Variants in DEPDC1 observed in about 807,000 individuals in gnomAD.
The protein encoded by DEPDC1 is DEP domain-containing protein 1A.
In DEPDC1, 66 loss-of-function variants were observed where a neutral mutation model predicts 86.8. That is an observed-to-expected ratio of 0.76 (90% CI 0.62 to 0.93). The LOEUF (loss-of-function observed/expected upper bound fraction) is 0.93. Among genes scored for constraint, DEPDC1 ranks in the 40% least tolerant of loss-of-function variants. The pLI is 0.00. For missense variants in DEPDC1, 792 were observed against 935.7 expected (o/e 0.85, Z 2.00); for synonymous variants, 255 against 314.9 (o/e 0.81, Z 2.02).
intron 9 of DEPDC1, among the ~76,000 whole-genome samples, chr1:68,480,975 A>T (rs141258949): frequency 1.3e-5 from 2 of 152,126 alleles, no homozygotes; most frequent in Middle Eastern, 3.4e-3. Context: ...CTGTTTGGCA[A>T]TAGTGCTTCC....
intron 2 of DEPDC1, among the ~76,000 whole-genome samples, 161 bp from the exon 3 acceptor site, chr1:68,489,769 AT>A (rs1337445402): frequency 2.6e-5 from 4 of 151,618 alleles, no homozygotes; most frequent in Non-Finnish European, 4.4e-5. Context: ...TTTAAAAAAA[AT>A]AGGTTCCTTT....
intron 11 of DEPDC1, 30 bp from the exon 12 acceptor site, chr1:68,477,099 A>G (rs761883461): frequency 6.5e-7 from 1 of 1,545,416 alleles, no homozygotes; most frequent in Non-Finnish European, 8.8e-7. Context: ...ATTAGAAGGT[A>G]TTTAACATTA....
At chr1:68,487,022 AT>A (rs779780012) in intron 5 of DEPDC1, 38 bp from the exon 6 acceptor site, 1 of 1,564,262 alleles carries the variant, frequency 6.4e-7, no homozygotes, top group Admixed American at 1.9e-5. Flanking sequence ...TAAACCATAC[AT>A]TTTTTATGAT....
intron 5 of DEPDC1, 107 bp from the exon 6 acceptor site, chr1:68,487,091 C>T: frequency 2.2e-6 from 2 of 897,282 alleles, no homozygotes; most frequent in Non-Finnish European, 3.2e-6. Context: ...TACACATACA[C>T]ATACATGTTA....
chr1:68,492,648 T>G (rs1646237543), intron 2 of DEPDC1, among the ~76,000 whole-genome samples: 6 of 151,980 alleles, frequency 3.9e-5, no homozygotes, highest in Non-Finnish European at 8.8e-5. Flanking sequence ...CAGAAAAGAC[T>G]AGGGGCAGAG....
chr1:68,478,570 A>G (rs1254292733), intron 10 of DEPDC1, among the ~76,000 whole-genome samples: 2 of 151,918 alleles, frequency 1.3e-5, no homozygotes, highest in South Asian at 2.1e-4. Flanking sequence ...TATGTATGGG[A>G]AAAACATAAA....
At chr1:68,493,193 T>C (rs1646240845) in intron 2 of DEPDC1, among the ~76,000 whole-genome samples, 1 of 152,228 alleles carries the variant, frequency 6.6e-6, no homozygotes, top group Non-Finnish European at 1.5e-5. Flanking sequence ...TGTAGAGTGC[T>C]ATACAAAATG....
intron 8 of DEPDC1, 34 bp from the exon 9 acceptor site, chr1:68,481,646 A>C: frequency 6.6e-7 from 1 of 1,524,898 alleles, no homozygotes; most frequent in South Asian, 1.2e-5. Flanking sequence ...AAAAATCATC[A>C]ATGACACTAG....
At position 68,482,677 on chromosome 1, in the gene DEPDC1, A is replaced by G; in HGVS notation, c.1131T>C (p.Ala377=). 6 of 1,612,472 alleles carry G rather than the reference A, an allele frequency of 3.7e-6. No homozygotes were observed. The South Asian group carries it at 4.4e-5, about 12-fold the overall frequency. Residue 377 remains alanine (A), a synonymous_variant, in exon 8 of 12, where the codon GCT becomes GCC. Transcript: ENST00000456315. ...ISNPGFQERC[A]KKMQLVNLRN... ...TTAAATTAACTAGCTGCATTTTCTT[A>G]GCACATCTTTCTTGAAATCCTGGAT...
In DEPDC1 at chr1:68,482,037, C is replaced by G. The variant is rs1646159663; in HGVS notation, c.1762+9G>C. The G allele has an allele frequency of 6.4e-7, 1 of 1,558,164 alleles. No homozygotes were observed. ...TTAATATTGCATGCATTGAAAGCAA[C>G]AGCCTTACTTTGTGTGCCAGTCAAC... On this transcript the variant is annotated intron_variant, in intron 8 of 11. Coordinates refer to ENST00000456315, the MANE Select transcript of DEPDC1 (RefSeq NM_001114120.3).
chr1:68,495,449 T>G (rs1217860495), intron 1 of DEPDC1, among the ~76,000 whole-genome samples: 2 of 152,164 alleles, frequency 1.3e-5, no homozygotes, highest in Non-Finnish European at 1.5e-5. Context: ...ATTTTTCACA[T>G]AAGGAAAATA....
chr1:68,482,831 T>G lies in DEPDC1; in HGVS notation c.977A>C (p.Gln326Pro). The G allele has an allele frequency of 1.2e-6, 2 of 1,609,952 alleles. No homozygotes were observed. The highest frequency in any genetic ancestry group is 1.7e-6 in the Non-Finnish European group (2 of 1,178,326). Residue 326 changes from glutamine (Q) to proline (P), a missense_variant, in exon 8 of 12, where the codon CAG becomes CCG. Gln to Pro is a moderately conservative substitution (Grantham distance 76). Coordinates refer to ENST00000456315, the MANE Select transcript of DEPDC1 (RefSeq NM_001114120.3). ...SGIHKIQDDP[Q>P]SSKFLHLNNL... ...GTTTAAGTGAAGGAATTTTGAAGAC[T>G]GTGGATCATCTTGAATTTTATGTAT...
intron 2 of DEPDC1, among the ~76,000 whole-genome samples, chr1:68,492,075 C>A (rs1231698461): frequency 6.6e-6 from 1 of 151,912 alleles, no homozygotes; most frequent in East Asian, 1.9e-4. Context: ...CAAATTTATT[C>A]AAAAAGTTTG....
At chr1:68,480,845 T>C (rs555986034) in intron 9 of DEPDC1, among the ~76,000 whole-genome samples, 1 of 152,026 alleles carries the variant, frequency 6.6e-6, no homozygotes, top group South Asian at 2.1e-4. Flanking sequence ...AAGTTGCATT[T>C]TGAGGAAGTG....
At chr1:68,485,571 A>T (rs931498853) in intron 6 of DEPDC1, among the ~76,000 whole-genome samples, 6 of 152,136 alleles carry the variant, frequency 3.9e-5, no homozygotes, top group African/African-American at 1.2e-4. Flanking sequence ...TTTAGGTATT[A>T]CATAGACTGA....
At position 68,481,493 on chromosome 1, in the gene DEPDC1, T is replaced by A; in HGVS notation, c.1882A>T (p.Ser628Cys). The A allele has an allele frequency of 6.2e-7, 1 of 1,612,560 alleles. No homozygotes were observed. The highest frequency in any genetic ancestry group is 8.5e-7 in the Non-Finnish European group (1 of 1,179,096). Reference sequence around the variant, plus strand: ...AGTTTGGGCATATCAACATTTTGACTCATTCGGGAAATCATACGCATTAAA... The same window carrying A: ...AGTTTGGGCATATCAACATTTTGACACATTCGGGAAATCATACGCATTAAA... ...QLLMRMISRM[S>C]QNVDMPKLHD... The change falls in exon 9 of 12, where the codon AGT (serine) becomes TGT (cysteine). Residue 628 changes from serine (S) to cysteine (C), a missense_variant. Transcript: ENST00000456315.
intron 2 of DEPDC1, among the ~76,000 whole-genome samples, chr1:68,494,025 G>A (rs1646246855): frequency 6.6e-6 from 1 of 152,116 alleles, no homozygotes; most frequent in Admixed American, 6.5e-5. Flanking sequence ...TATTTATTAT[G>A]TAAGATTTGC....
At position 68,477,787 on chromosome 1, in the gene DEPDC1, C is replaced by T; in HGVS notation, c.2298G>A (p.Gln766=). The T allele has an allele frequency of 1.3e-6, 2 of 1,494,268 alleles. No individual in the cohort carries two copies. Among genetic ancestry groups the T allele is most frequent in the Non-Finnish European group, 1.8e-6 (2 of 1,113,022 alleles). 92.6% of individuals were successfully genotyped at this position (1,494,268 alleles called of 1,614,324 possible). Residue 766 remains glutamine, a splice_region_variant and synonymous_variant, in exon 11 of 12, where the codon CAG becomes CAA. Coordinates refer to ENST00000456315, the MANE Select transcript of DEPDC1 (RefSeq NM_001114120.3). ...ATTGAGAACTTGCTCATTCTCTTACCTGTTTTAGTTTTTTTCTTTTCTCCT... is the reference window on the plus strand; with the variant it reads ...ATTGAGAACTTGCTCATTCTCTTACTTGTTTTAGTTTTTTTCTTTTCTCCT... ...PLKEKRKKLK[Q]FQKEYPLIYQ...
chr1:68,491,752 A>G (rs1646229897), intron 2 of DEPDC1, among the ~76,000 whole-genome samples: 1 of 151,896 alleles, frequency 6.6e-6, no homozygotes. Context: ...TTTTCACTTT[A>G]TCATATCTTT....
Sources: allele counts gnomAD v4.1 joint callset (sites outside exome capture counted in the v4.1 genomes callset), GRCh38; gene constraint gnomAD v4.1.1; transcripts MANE v1.5; gene names NCBI Gene and HGNC (gene_info 2026-07-23, HGNC 2026-07-21).